The following USP6 variants were observed in gnomAD, a reference collection of about 807,000 sequenced individuals.
USP6 encodes the protein ubiquitin carboxyl-terminal hydrolase 6.
In USP6, 128 loss-of-function variants were observed where a neutral mutation model predicts 175.7. The ratio of observed to expected loss-of-function variants is 0.73; its 90% CI spans 0.63 to 0.84. The LOEUF is 0.84. USP6 is among the 40% of genes least tolerant of loss of function. The probability of loss-of-function intolerance (pLI) is 0.00; values close to 1 mark genes in which losing one functional copy is unlikely to be tolerated. For missense variants in USP6, 1,498 were observed against 1,760.3 expected, an observed-to-expected ratio of 0.85 and a Z score of 2.67; for synonymous variants, 562 against 630.6, an observed-to-expected ratio of 0.89 and a Z score of 1.63.
Position 5,150,465 on chromosome 17 carries a change from T to C in USP6, c.2643+1698T>C, listed in dbSNP as rs573343928. Among the ~76,000 whole-genome samples the C allele has an allele frequency of 2.9e-3, 443 of 151,632 alleles. 3 individuals carry two copies. Among genetic ancestry groups the C allele is most frequent in the South Asian group, 8.1e-3 (39 of 4,812 alleles). On this transcript the variant is annotated intron_variant, in intron 30 of 37. Transcript: ENST00000574788. ...TTAGGACTGTTATAACAAATTACCA[T>C]AAATTTGGTGGCTTTAAACAACAGA...
At position 5,174,325 on chromosome 17, in the gene USP6, A is replaced by C. The variant is rs988212675; in HGVS notation, c.*1347A>C. On this transcript the variant is annotated 3_prime_UTR_variant, in exon 38 of 38. Coordinates refer to ENST00000574788, the MANE Select transcript of USP6 (RefSeq NM_001304284.2). ...CTTTGTTTATTCATTTAGACCCTGC[A>C]AGTTGATTCTCATTGCCAGATTCCA... is the stretch of plus-strand genomic sequence containing the variant. 1 of 189,926 alleles carries C rather than the reference A, an allele frequency of 5.3e-6. No individual in the cohort carries two copies. The highest frequency in any genetic ancestry group is 1.1e-5 in the Non-Finnish European group (1 of 90,338). The allele number at this position is 189,926 out of a possible 1,614,324, so 11.8% of individuals were successfully genotyped here.
chr17:5,133,844 A>G (rs750505671), intron 14 of USP6, 43 bp from the exon 15 acceptor site: 1 of 1,589,346 alleles, frequency 6.3e-7, no homozygotes, highest in Admixed American at 1.7e-5. Context: ...GGAGTCTTCC[A>G]TCTGTTCTGA....
Position 5,167,938 on chromosome 17 carries a change from G to C in USP6, c.3043G>C (p.Asp1015His). ...CTGTTCCCTCTACCTACAGGTTGTA[G>C]ATAAGCATGAGAGTGTGGAGCAGAG... Reference protein sequence around the residue: ...RYQTSQERVVDKHESVEQSRR... With the variant: ...RYQTSQERVVHKHESVEQSRR... The change falls in exon 34 of 38, where the codon GAT (aspartate) becomes CAT (histidine). Residue 1015 changes from aspartate to histidine, a missense_variant. Asp to His is a moderately conservative substitution (Grantham distance 81). Coordinates refer to ENST00000574788, the MANE Select transcript of USP6 (RefSeq NM_001304284.2). 1 of 1,611,038 alleles carries C rather than the reference G, an allele frequency of 6.2e-7. No individual in the cohort carries two copies. Among genetic ancestry groups the C allele is most frequent in the Non-Finnish European group, 8.5e-7 (1 of 1,179,082 alleles).
At chr17:5,171,773 G>T (rs1481759285) in intron 37 of USP6, 94 bp downstream of exon 37, 1 of 1,317,326 alleles carries the variant, frequency 7.6e-7, no homozygotes, top group Non-Finnish European at 1.1e-6. Flanking sequence ...ATAGGAAATA[G>T]ATATTTCTGT....
chr17:5,138,160 G>A lies in USP6; in HGVS notation c.965G>A (p.Arg322His), dbSNP rs1485630923. Residue 322 changes from arginine (R) to histidine (H), a missense_variant, in exon 21 of 38, where the codon CGT becomes CAT. Arg to His is a conservative substitution (Grantham distance 29). Around this residue, in one of 2 missense-constraint regions of USP6, gnomAD observed 1,217 missense variants for 1,500.8 expected, o/e 0.81. Coordinates refer to ENST00000574788, the MANE Select transcript of USP6 (RefSeq NM_001304284.2). ...MKTSRCGLWA[R>H]LRNQFFDTWA... ...ACATCCAGGTGTGGCCTGTGGGCACGTCTGCGGAACCAATTCTTCGATACC... is the reference window on the plus strand; with the variant it reads ...ACATCCAGGTGTGGCCTGTGGGCACATCTGCGGAACCAATTCTTCGATACC... 12 of 1,613,968 alleles carry A rather than the reference G, an allele frequency of 7.4e-6. No homozygotes were observed. The South Asian group carries it at 7.7e-5, about 10-fold the overall frequency.
rs1280414239 is a variant in USP6 at position 5,140,261 on chromosome 17, A to G, written c.1498+587A>G. Among the ~76,000 whole-genome samples, 3 of 152,224 alleles carry G rather than the reference A, an allele frequency of 2.0e-5. No homozygotes were observed. The East Asian group carries it at 5.8e-4, about 29-fold the overall frequency. On this transcript the variant is annotated intron_variant, in intron 22 of 37. Coordinates refer to ENST00000574788, the MANE Select transcript of USP6 (RefSeq NM_001304284.2). ...GCCCCTAATAATGACGTTTTGTAAT[A>G]GCATGGCCCATAAAAAATTTAGGCC...
chr17:5,123,664 C>T (rs538168949), intron 4 of USP6, among the ~76,000 whole-genome samples: 5 of 152,314 alleles, frequency 3.3e-5, no homozygotes, highest in African/African-American at 1.2e-4. Flanking sequence ...AACGCATACT[C>T]ACACGTTCCT....
intron 28 of USP6, among the ~76,000 whole-genome samples, chr17:5,146,528 T>G (rs1321061863): frequency 6.6e-6 from 1 of 152,204 alleles, no homozygotes; most frequent in African/African-American, 2.4e-5. Flanking sequence ...CCACTGTTAC[T>G]AGAATTCTTC....
At chr17:5,171,063 C>A in intron 36 of USP6, 148 bp downstream of exon 36, 1 of 1,080,486 alleles carries the variant, frequency 9.3e-7, no homozygotes, top group Non-Finnish European at 1.3e-6. Flanking sequence ...AATCTGGGCT[C>A]ACAGATGTGG....
chr17:5,143,541 A>AT (rs1385784485), intron 25 of USP6, among the ~76,000 whole-genome samples: 5 of 151,806 alleles, frequency 3.3e-5, no homozygotes, highest in African/African-American at 1.2e-4. Context: ...TTTGTTAAAC[A>AT]GATGCTTGAA....
At chr17:5,169,539 T>C (rs1181109613) in intron 35 of USP6, among the ~76,000 whole-genome samples, 1 of 151,944 alleles carries the variant, frequency 6.6e-6, no homozygotes, top group Non-Finnish European at 1.5e-5. Flanking sequence ...CCTCCTGGGG[T>C]CAATCAATCC....
intron 8 of USP6, chr17:5,129,554 G>A (rs1290364138): frequency 6.6e-6 from 1 of 152,358 alleles, no homozygotes. Context: ...CCAGGCACTG[G>A]GGCTCTCCCC....
At chr17:5,163,135 C>T in intron 33 of USP6, 131 bp downstream of exon 33, 2 of 1,328,262 alleles carry the variant, frequency 1.5e-6, no homozygotes, top group South Asian at 3.7e-5. Flanking sequence ...CTCTATGGCA[C>T]CTAATATATT....
rs2073862869 is a variant in USP6 at position 5,155,510 on chromosome 17, C to T, written c.2732C>T (p.Thr911Ile). The T allele has an allele frequency of 4.3e-6, 7 of 1,613,980 alleles. No homozygotes were observed. The highest frequency in any genetic ancestry group is 5.9e-6 in the Non-Finnish European group (7 of 1,180,036). Residue 911 changes from threonine to isoleucine, a missense_variant, in exon 31 of 38, where the codon ACC becomes ATC. This residue lies in a region of USP6 where 1,217 missense variants were observed against 1,500.8 expected (regional missense o/e 0.81). Transcript: ENST00000574788. ...MPLIVPCTVH[T>I]RKKDLYDAVW... is the part of the protein sequence containing the mutation. ...TTGATTGTTCCATGCACTGTGCATA[C>T]CCGGAAGAAAGACCTATATGATGCG...
In USP6 at chr17:5,173,771, C is replaced by T. The variant is rs541714949; in HGVS notation, c.*793C>T. ...TCCTCAGAAATGTATTCTGCACCCC[C>T]GGCCCCGCCCATGCTGAGGGAAGGG... On this transcript the variant is annotated 3_prime_UTR_variant, in exon 38 of 38. Transcript: ENST00000574788. 119 of 220,996 alleles carry T rather than the reference C, an allele frequency of 5.4e-4. No individual in the cohort carries two copies. The highest frequency in any genetic ancestry group is 2.3e-3 in the African/African-American group (105 of 44,738). 13.7% of individuals were successfully genotyped at this position (220,996 alleles called of 1,614,324 possible).
At chr17:5,154,716 T>TC (rs1026704075) in intron 30 of USP6, among the ~76,000 whole-genome samples, 28 of 105,614 alleles carry the variant, frequency 2.7e-4, no homozygotes, top group Non-Finnish European at 1.3e-4. Context: ...ATAGTCTTTT[T>TC]TTTTTTCCCC....
chr17:5,160,835 G>A (rs1337086667), intron 31 of USP6, among the ~76,000 whole-genome samples: 1 of 152,216 alleles, frequency 6.6e-6, no homozygotes, highest in Non-Finnish European at 1.5e-5. Context: ...CTAGTTTACA[G>A]TCCCACCAAC....
At chr17:5,142,857 A>G (rs2073488078) in intron 25 of USP6, among the ~76,000 whole-genome samples, 1 of 152,222 alleles carries the variant, frequency 6.6e-6, no homozygotes, top group African/African-American at 2.4e-5. Flanking sequence ...ATCCAATCCA[A>G]TACATTTTCA....
rs1204444899 is a variant in USP6 at position 5,132,982 on chromosome 17, A to G, written c.268A>G (p.Ser90Gly). 1 of 1,614,168 alleles carries G rather than the reference A, an allele frequency of 6.2e-7. No homozygotes were observed. The highest frequency in any genetic ancestry group is 8.5e-7 in the Non-Finnish European group (1 of 1,179,998). The change falls in exon 13 of 38, where the codon AGT (serine) becomes GGT (glycine). Residue 90 changes from serine to glycine, a missense_variant. Transcript: ENST00000574788. The surrounding 1 kb of genome is among the most constrained non-coding windows in gnomAD (Gnocchi z 4.7). ...GGGAGAATGGGAGACATATAAGCAC[A>G]GTAGCAAAGTAATGTGTGGAGGGAG... ...MLGEWETYKH[S>G]SKLIDRVYKG...
Sources: allele counts gnomAD v4.1 joint callset (sites outside exome capture counted in the v4.1 genomes callset), GRCh38; gene constraint gnomAD v4.1.1; regional missense constraint gnomAD v4.1.1; non-coding constraint Gnocchi (gnomAD v3.1); transcripts MANE v1.5; gene names NCBI Gene and HGNC (gene_info 2026-07-23, HGNC 2026-07-21).